The following UBE2V1 variants were observed in gnomAD, a reference collection of about 807,000 sequenced individuals.
The protein encoded by UBE2V1 is ubiquitin conjugating enzyme E2 V1.
A neutral mutation model predicts 19.6 loss-of-function variants in UBE2V1; 15 were observed. The observed-to-expected ratio is 0.77, with a 90% CI of 0.51 to 1.18. The LOEUF (loss-of-function observed/expected upper bound fraction) is 1.18. Among genes scored for constraint, UBE2V1 ranks in the 50% most tolerant of loss-of-function variants. The pLI is 0.00. For synonymous variants in UBE2V1, 60 were observed against 60.7 expected (o/e 0.99, Z 0.05); for missense variants, 125 against 184.8 (o/e 0.68, Z 1.88).
intron 2 of UBE2V1, among the ~76,000 whole-genome samples, chr20:50,093,561 C>T (rs1455000633): frequency 6.6e-6 from 1 of 152,154 alleles, no homozygotes; most frequent in East Asian, 1.9e-4. Flanking sequence ...GAAATGGGAA[C>T]TTTCGGGCAT....
chr20:50,110,707 T>C (rs1026780682), intron 1 of UBE2V1, among the ~76,000 whole-genome samples: 6 of 152,228 alleles, frequency 3.9e-5, no homozygotes, highest in African/African-American at 1.4e-4. Flanking sequence ...GCCTACTTCA[T>C]ACCAGACACT....
chr20:50,106,868 CAACAACAA>C (rs901483159), intron 1 of UBE2V1, among the ~76,000 whole-genome samples: 7 of 84,820 alleles, frequency 8.3e-5, no homozygotes, highest in East Asian at 6.1e-4. Flanking sequence ...ACAACAACAA[CAACAACAA>C]AAAAAAAAAA....
chr20:50,081,455 T>C lies in UBE2V1; in HGVS notation c.*1313A>G, dbSNP rs186621934. 1 of 152,564 alleles carries C rather than the reference T, an allele frequency of 6.6e-6. No individual in the cohort carries two copies. Among genetic ancestry groups the C allele is most frequent in the Non-Finnish European group, 1.5e-5 (1 of 68,048 alleles). 9.5% of individuals were successfully genotyped at this position (152,564 alleles called of 1,614,324 possible). A position where few individuals can be genotyped will look rare whatever the true frequency, so the allele number is the denominator to read the frequency against. ...ACAGCAAGTGGAAAGACGCAGCAATTTGCCAGGAGGTCAAGCCCACCAATT... is the reference window on the plus strand; with the variant it reads ...ACAGCAAGTGGAAAGACGCAGCAATCTGCCAGGAGGTCAAGCCCACCAATT... On this transcript the variant is annotated 3_prime_UTR_variant, in exon 4 of 4. Coordinates refer to ENST00000371674, the MANE Select transcript of UBE2V1 (RefSeq NM_001032288.3).
chr20:50,108,658 A>T (rs926915155), intron 1 of UBE2V1, among the ~76,000 whole-genome samples: 5 of 152,260 alleles, frequency 3.3e-5, no homozygotes, highest in African/African-American at 1.2e-4. Context: ...TAGTAAACCC[A>T]AGAGTGCAAC....
intron 1 of UBE2V1, among the ~76,000 whole-genome samples, chr20:50,098,052 A>G (rs1360507237): frequency 1.3e-5 from 2 of 152,242 alleles, no homozygotes; most frequent in East Asian, 1.9e-4. Context: ...ATTATACAGT[A>G]TGACAGATCC....
At chr20:50,114,057 G>A (rs1383323426), upstream of UBE2V1, among the ~76,000 whole-genome samples, 2 of 152,204 alleles carry the variant, frequency 1.3e-5, no homozygotes, top group African/African-American at 2.4e-5. Flanking sequence ...CCGTAACAAT[G>A]AGGAGGTAGA....
chr20:50,108,735 G>A (rs1352554811), intron 1 of UBE2V1, among the ~76,000 whole-genome samples: 2 of 152,154 alleles, frequency 1.3e-5, no homozygotes, highest in African/African-American at 2.4e-5. Flanking sequence ...TGCCATGATG[G>A]GGCTCCAAGC....
At chr20:50,092,028 A>G (rs752665075) in intron 2 of UBE2V1, among the ~76,000 whole-genome samples, 2 of 152,104 alleles carry the variant, frequency 1.3e-5, no homozygotes, top group Non-Finnish European at 2.9e-5. Context: ...TAATCCACAC[A>G]TAAAACACTT....
At chr20:50,115,161 C>G, upstream of UBE2V1, 1 of 236,932 alleles carries the variant, frequency 4.2e-6, no homozygotes, top group Non-Finnish European at 8.0e-6. Flanking sequence ...ACCTCTGCGG[C>G]GACACTGGCC....
chr20:50,113,048 C>A, intron 1 of UBE2V1, 59 bp downstream of exon 1: 4 of 770,788 alleles, frequency 5.2e-6, no homozygotes, highest in Non-Finnish European at 7.3e-6. Flanking sequence ...TTGAGGGTCC[C>A]CGGCCCCCGG....
intron 1 of UBE2V1, among the ~76,000 whole-genome samples, chr20:50,108,599 G>A (rs1410332240): frequency 6.6e-6 from 1 of 152,164 alleles, no homozygotes; most frequent in East Asian, 1.9e-4. Context: ...CTGCCTCAAT[G>A]GGCTGTTGTG....
chr20:50,082,689 A>T lies in UBE2V1; in HGVS notation c.*79T>A. Reference sequence around the variant, plus strand: ...TTGAGGTCTACAAGACGTATCTAGAAAATTTACTACTGTGGAAAATGAAGA... The same window carrying T: ...TTGAGGTCTACAAGACGTATCTAGATAATTTACTACTGTGGAAAATGAAGA... On this transcript the variant is annotated 3_prime_UTR_variant, in exon 4 of 4. Transcript: ENST00000371674. 1 of 1,559,148 alleles carries T rather than the reference A, an allele frequency of 6.4e-7. No homozygotes were observed. The highest frequency in any genetic ancestry group is 1.4e-5 in the African/African-American group (1 of 73,010).
chr20:50,099,758 C>T lies in UBE2V1; in HGVS notation c.23-2938G>A, dbSNP rs149769413. On this transcript the variant is annotated intron_variant, in intron 1 of 3. Transcript: ENST00000371674. ...TTCTCTGAGTAGGAATCTCACTTAA[C>T]GGCATTCCTTAAGTGACTAACTTTT... is the stretch of plus-strand genomic sequence containing the variant. Among the ~76,000 whole-genome samples, 406 of 152,278 alleles carry T rather than the reference C, an allele frequency of 2.7e-3. 2 individuals are homozygous for T. The highest frequency in any genetic ancestry group is 9.1e-3 in the African/African-American group (377 of 41,546).
chr20:50,098,815 A>G (rs534170802), intron 1 of UBE2V1: 2 of 608,172 alleles, frequency 3.3e-6, no homozygotes, highest in Admixed American at 6.3e-5. Flanking sequence ...TCAGTTGATT[A>G]CAAGAAAAAT....
chr20:50,091,103 G>A (rs143363436), intron 2 of UBE2V1, among the ~76,000 whole-genome samples: 2 of 152,250 alleles, frequency 1.3e-5, no homozygotes, highest in African/African-American at 4.8e-5. Context: ...TTGGAGTCCA[G>A]TGGTATGATC....
At chr20:50,107,290 G>C (rs2080449704) in intron 1 of UBE2V1, among the ~76,000 whole-genome samples, 1 of 152,206 alleles carries the variant, frequency 6.6e-6, no homozygotes, top group Non-Finnish European at 1.5e-5. Flanking sequence ...CTAAGAATCT[G>C]ACAAGCCCTC....
intron 1 of UBE2V1, chr20:50,111,461 G>A (rs928113782): frequency 1.0e-6 from 1 of 1,000,180 alleles, no homozygotes; most frequent in African/African-American, 1.7e-5. Context: ...GTGTTATTCT[G>A]GTGAGAAGTT....
intron 2 of UBE2V1, among the ~76,000 whole-genome samples, chr20:50,086,351 G>A (rs1032681770): frequency 1.6e-4 from 24 of 152,226 alleles, no homozygotes; most frequent in African/African-American, 5.8e-4. Flanking sequence ...TGGGGGCCTT[G>A]ACAGGGGCCC....
At chr20:50,096,648 T>A (rs2079643486) in intron 2 of UBE2V1, 24 bp downstream of exon 2, 2 of 1,612,016 alleles carry the variant, frequency 1.2e-6, no homozygotes, top group South Asian at 2.2e-5. Context: ...ACATTGACAT[T>A]TATAGCCGTA....
Sources: gnomAD v4.1 joint callset for allele counts (sites outside exome capture counted in the v4.1 genomes callset) on GRCh38, gnomAD v4.1.1 for gene constraint, MANE v1.5 for transcripts, NCBI Gene and HGNC (gene_info 2026-07-23, HGNC 2026-07-21) for gene names.